PBX1: variants seen among roughly 807,000 people sequenced by gnomAD.
The protein encoded by PBX1 is PBX homeobox 1, also known as pre-B-cell leukemia transcription factor 1.
A neutral mutation model predicts 53.4 loss-of-function variants in PBX1; 6 were observed. The ratio of observed to expected loss-of-function variants is 0.11; its 90% CI spans 0.06 to 0.22. The LOEUF is 0.22. PBX1 is among the 10% of genes least tolerant of loss of function. PBX1 has a pLI of 1.00. For missense variants in PBX1, 251 were observed against 551.4 expected (o/e 0.46, Z 5.46); for synonymous variants, 204 against 212.3 (o/e 0.96, Z 0.34).
intron 2 of PBX1, among the ~76,000 whole-genome samples, chr1:164,621,686 AT>A (rs922783774): frequency 1.3e-5 from 2 of 152,150 alleles, no homozygotes; most frequent in African/African-American, 4.8e-5. Flanking sequence ...CAGGGTGCAC[AT>A]TTAGCCAATG....
At chr1:164,875,988 G>GTATGTATATGTATATATA in intron 2 of PBX1, among the ~76,000 whole-genome samples, 1 of 56,954 alleles carries the variant, frequency 1.8e-5, no homozygotes, top group East Asian at 9.1e-4. Flanking sequence ...TGGTGTATGT[G>GTATGTATATGTATATATA]TATATATATA....
chr1:164,577,907 A>T (rs1371807803), intron 2 of PBX1, among the ~76,000 whole-genome samples: 1 of 152,182 alleles, frequency 6.6e-6, no homozygotes, highest in South Asian at 2.1e-4. Flanking sequence ...GTAGGTTGAG[A>T]GTTCTCTTGT....
chr1:164,745,625 A>C (rs1665851487), intron 2 of PBX1, among the ~76,000 whole-genome samples: 1 of 152,198 alleles, frequency 6.6e-6, no homozygotes, highest in South Asian at 2.1e-4. Context: ...ATATCAGTTC[A>C]ATAGTAATTA....
At chr1:164,619,267 C>G (rs1365857592) in intron 2 of PBX1, among the ~76,000 whole-genome samples, 2 of 152,154 alleles carry the variant, frequency 1.3e-5, no homozygotes, top group African/African-American at 4.8e-5. Flanking sequence ...TGATTCCTCC[C>G]TGCGCCTAAA....
intron 2 of PBX1, among the ~76,000 whole-genome samples, chr1:164,620,591 T>C (rs1375037524): frequency 6.6e-6 from 1 of 152,194 alleles, no homozygotes; most frequent in Admixed American, 6.5e-5. Context: ...GGTCTGGTGC[T>C]GAGTAGGTTG....
intron 2 of PBX1, among the ~76,000 whole-genome samples, chr1:164,864,277 C>A (rs577992454): frequency 6.6e-6 from 1 of 152,000 alleles, no homozygotes. Context: ...CAGGCCCTAG[C>A]CCTTCAGCCT....
chr1:164,602,784 T>A (rs1314388728), intron 2 of PBX1, among the ~76,000 whole-genome samples: 2 of 152,144 alleles, frequency 1.3e-5, no homozygotes, highest in African/African-American at 4.8e-5. Flanking sequence ...AGGGGAGCTC[T>A]CTAGGCACCT....
At chr1:164,575,969 G>T (rs1184019355) in intron 2 of PBX1, among the ~76,000 whole-genome samples, 1 of 152,028 alleles carries the variant, frequency 6.6e-6, no homozygotes, top group African/African-American at 2.4e-5. Flanking sequence ...AGCTTCATCC[G>T]GAGGCCAATT....
At chr1:164,854,068 A>G (rs1449079693), downstream of PBX1, among the ~76,000 whole-genome samples, 1 of 151,630 alleles carries the variant, frequency 6.6e-6, no homozygotes, top group Non-Finnish European at 1.5e-5. Context: ...ACCATGCCCA[A>G]ATAATTTTTG....
chr1:164,728,175 G>A (rs1318912839), intron 2 of PBX1, among the ~76,000 whole-genome samples: 1 of 152,074 alleles, frequency 6.6e-6, no homozygotes, highest in Non-Finnish European at 1.5e-5. Flanking sequence ...AAATTAGCCA[G>A]GCTTGGTGAT....
In PBX1 at chr1:164,850,209, C is replaced by A; in HGVS notation, c.*3533C>A. On this transcript the variant is annotated 3_prime_UTR_variant, in exon 9 of 9. Coordinates refer to ENST00000420696, the MANE Select transcript of PBX1 (RefSeq NM_002585.4). ...TTAACACCAGACTACCTACATTCAT[C>A]ATTTCCCTCATTTTTCTTTTATTTT... 1 of 225,878 alleles carries A rather than the reference C, an allele frequency of 4.4e-6. No individual in the cohort carries two copies. Among genetic ancestry groups the A allele is most frequent in the Admixed American group, 5.7e-5 (1 of 17,542 alleles). 14.0% of individuals were successfully genotyped at this position (225,878 alleles called of 1,614,324 possible).
chr1:164,820,173 G>A lies in PBX1; in HGVS notation c.1099G>A (p.Val367Met), dbSNP rs142396283. The change falls in exon 7 of 9, where the codon GTG becomes ATG. Residue 367 changes from valine to methionine, a missense_variant. By Grantham distance (21) the Val-to-Met change is conservative (BLOSUM62 1). Transcript: ENST00000420696. ...SYQGAQVGANVQSQVDTLRHV... is the reference protein window; with the variant it reads ...SYQGAQVGANMQSQVDTLRHV... Reference sequence around the variant, plus strand: ...CCAAGGGGCCCAGGTTGGAGCCAACGTGCAATCACAGGTAGGGACCCAGCC... The same window carrying A: ...CCAAGGGGCCCAGGTTGGAGCCAACATGCAATCACAGGTAGGGACCCAGCC... 122 of 1,605,894 alleles carry A rather than the reference G, an allele frequency of 7.6e-5. No homozygotes were observed. Among genetic ancestry groups the A allele is most frequent in the Non-Finnish European group, 9.4e-5 (110 of 1,172,744 alleles).
chr1:164,622,709 C>A (rs955747836), intron 2 of PBX1, among the ~76,000 whole-genome samples: 1 of 152,080 alleles, frequency 6.6e-6, no homozygotes, highest in Non-Finnish European at 1.5e-5. Context: ...ATATGGAATC[C>A]AGGCTTAACC....
At chr1:164,598,184 A>AAT (rs1655897900) in intron 2 of PBX1, among the ~76,000 whole-genome samples, 5 of 152,190 alleles carry the variant, frequency 3.3e-5, no homozygotes, top group Non-Finnish European at 7.3e-5. Context: ...TCCATTCGTG[A>AAT]GGGCAGAGGG....
chr1:164,596,829 C>G (rs1024274767), intron 2 of PBX1, among the ~76,000 whole-genome samples: 1 of 151,762 alleles, frequency 6.6e-6, no homozygotes, highest in Non-Finnish European at 1.5e-5. Flanking sequence ...ACACTCATCT[C>G]TGAGCTTTTT....
intron 2 of PBX1, among the ~76,000 whole-genome samples, chr1:164,701,264 C>T (rs1442576902): frequency 6.6e-6 from 1 of 152,152 alleles, no homozygotes; most frequent in Non-Finnish European, 1.5e-5. Flanking sequence ...TTTTTCTAAA[C>T]CTTTTTCTTT....
chr1:164,836,760 A>G (rs1027640721), intron 8 of PBX1, among the ~76,000 whole-genome samples: 16 of 152,210 alleles, frequency 1.1e-4, no homozygotes, highest in Admixed American at 9.2e-4. Flanking sequence ...TTAAGCAGCA[A>G]ACTCTCTGGT....
chr1:164,845,405 C>T (rs745537231), intron 8 of PBX1, among the ~76,000 whole-genome samples: 35 of 151,748 alleles, frequency 2.3e-4, no homozygotes, highest in Non-Finnish European at 3.8e-4. Context: ...ATACCTGCCC[C>T]ATCTCCCCCA....
intron 2 of PBX1, among the ~76,000 whole-genome samples, chr1:164,735,252 A>C (rs1288254708): frequency 6.6e-6 from 1 of 152,252 alleles, no homozygotes; most frequent in Non-Finnish European, 1.5e-5. Flanking sequence ...AAGGGCCAAA[A>C]TAAATATCCC....
Sources: gnomAD v4.1 joint callset for allele counts (sites outside exome capture counted in the v4.1 genomes callset) on GRCh38, gnomAD v4.1.1 for gene constraint, MANE v1.5 for transcripts, NCBI Gene and HGNC (gene_info 2026-07-23, HGNC 2026-07-21) for gene names.